The following SHQ1 variants were observed in gnomAD, a reference collection of about 807,000 sequenced individuals.
SHQ1 encodes the protein SHQ1, H/ACA ribonucleoprotein assembly factor, also known as protein SHQ1 homolog.
A neutral mutation model predicts 53.8 loss-of-function variants in SHQ1; 49 were observed. That is an observed-to-expected ratio of 0.91 (90% CI 0.72 to 1.16). The LOEUF (loss-of-function observed/expected upper bound fraction) is 1.16, where lower values mean the gene tolerates loss of function less well. SHQ1 is among the 50% of genes most tolerant of loss of function. The probability of loss-of-function intolerance (pLI) is 0.00; values close to 1 mark genes in which losing one functional copy is unlikely to be tolerated. For missense variants in SHQ1, 738 were observed against 683.1 expected, an observed-to-expected ratio of 1.08 and a Z score of -0.90; for synonymous variants, 243 against 251.0, an observed-to-expected ratio of 0.97 and a Z score of 0.30.
chr3:72,842,814 G>A (rs1232730841), intron 2 of SHQ1, among the ~76,000 whole-genome samples: 4 of 152,062 alleles, frequency 2.6e-5, no homozygotes, highest in Admixed American at 6.6e-5. Context: ...GGTGGCTCAC[G>A]CCTGTAATAC....
chr3:72,827,752 A>C (rs951536849), intron 5 of SHQ1, among the ~76,000 whole-genome samples: 7 of 120,022 alleles, frequency 5.8e-5, no homozygotes, highest in Non-Finnish European at 1.1e-4. Context: ...TTTTTTCAAG[A>C]CTTTTTTTTT....
At chr3:72,737,091 G>A in the SHQ1 span, among the ~76,000 whole-genome samples, 1 of 151,958 alleles carries the variant, frequency 6.6e-6, no homozygotes, top group Non-Finnish European at 1.5e-5. Context: ...CTAACATAAT[G>A]AAACCCCATC....
intron 10 of SHQ1, among the ~76,000 whole-genome samples, chr3:72,752,208 A>AT (rs1453448441): frequency 6.6e-6 from 1 of 152,242 alleles, no homozygotes; most frequent in Non-Finnish European, 1.5e-5. Flanking sequence ...AAGGCTCACC[A>AT]TATGTATATG....
At chr3:72,804,750 G>A (rs933707125) in intron 9 of SHQ1, among the ~76,000 whole-genome samples, 5 of 152,184 alleles carry the variant, frequency 3.3e-5, no homozygotes, top group African/African-American at 9.7e-5. Flanking sequence ...AGCACTTTGG[G>A]AGGCTGAGGC....
At chr3:72,729,126 G>A in the SHQ1 span, among the ~76,000 whole-genome samples, 1 of 152,174 alleles carries the variant, frequency 6.6e-6, no homozygotes, top group Admixed American at 6.5e-5. Context: ...ACCTCTGAGA[G>A]ATTCCAATGC....
intron 4 of SHQ1, among the ~76,000 whole-genome samples, chr3:72,834,172 TC>T (rs1465651445): frequency 6.6e-6 from 1 of 152,188 alleles, no homozygotes; most frequent in African/African-American, 2.4e-5. Flanking sequence ...TTAAGTAGTA[TC>T]AATAATATTT....
Position 72,815,360 on chromosome 3 carries a change from CAT to C in SHQ1, c.924_925del (p.Cys309LeufsTer3). On this transcript the variant is annotated frameshift_variant, in exon 8 of 11. Transcript: ENST00000325599. LOFTEE classifies it high-confidence loss of function. ...AACTGGAAATCATACCTCAAACCAGCATAGTGTTGGACTCAGTTTCCTGATAT... is the reference window on the plus strand; with the variant it reads ...AACTGGAAATCATACCTCAAACCAGCAGTGTTGGACTCAGTTTCCTGATAT... 1 of 1,613,324 alleles carries C rather than the reference CAT, an allele frequency of 6.2e-7. No individual in the cohort carries two copies. Among genetic ancestry groups the C allele is most frequent in the Non-Finnish European group, 8.5e-7 (1 of 1,179,622 alleles).
At chr3:72,818,804 C>G (rs932307877) in intron 6 of SHQ1, among the ~76,000 whole-genome samples, 12 of 152,132 alleles carry the variant, frequency 7.9e-5, no homozygotes, top group African/African-American at 2.9e-4. Flanking sequence ...GTGAGAGAGC[C>G]TGTGAGAAGG....
At chr3:72,783,925 T>C (rs1295268316) in intron 10 of SHQ1, among the ~76,000 whole-genome samples, 1 of 152,036 alleles carries the variant, frequency 6.6e-6, no homozygotes, top group Non-Finnish European at 1.5e-5. Context: ...TGTGGTCTCA[T>C]AGAAGAGAAA....
intron 6 of SHQ1, 129 bp from the exon 7 acceptor site, chr3:72,817,513 T>C (rs1353904219): frequency 4.8e-6 from 4 of 840,070 alleles, no homozygotes; most frequent in Non-Finnish European, 3.6e-6. Context: ...TAACTATGGA[T>C]ATATAAATAA....
chr3:72,758,429 C>G (rs1400043206), intron 10 of SHQ1, among the ~76,000 whole-genome samples: 1 of 152,090 alleles, frequency 6.6e-6, no homozygotes, highest in Non-Finnish European at 1.5e-5. Context: ...ATCATCTAGT[C>G]CATGGATCAG....
chr3:72,758,472 T>C (rs180772997), intron 10 of SHQ1, among the ~76,000 whole-genome samples: 191 of 152,258 alleles, frequency 1.3e-3, no homozygotes, highest in African/African-American at 4.3e-3. Context: ...CCTGTATTAG[T>C]TTCCTAAGGC....
intron 2 of SHQ1, 76 bp downstream of exon 2, chr3:72,844,283 G>A: frequency 8.1e-7 from 1 of 1,232,742 alleles, no homozygotes; most frequent in Non-Finnish European, 1.2e-6. Flanking sequence ...GGTCCCCATG[G>A]TATCTTGTAA....
At chr3:72,834,176 T>C (rs751688951) in intron 4 of SHQ1, among the ~76,000 whole-genome samples, 2 of 152,230 alleles carry the variant, frequency 1.3e-5, no homozygotes, top group Non-Finnish European at 2.9e-5. Context: ...GTAGTATCAA[T>C]AATATTTCAT....
chr3:72,823,604 T>C (rs933751728), intron 6 of SHQ1, among the ~76,000 whole-genome samples: 2 of 152,202 alleles, frequency 1.3e-5, no homozygotes, highest in Admixed American at 1.3e-4. Context: ...GGTAGATCTC[T>C]ACATACTAAT....
intron 10 of SHQ1, among the ~76,000 whole-genome samples, chr3:72,777,349 A>G (rs1170026424): frequency 6.6e-6 from 1 of 152,226 alleles, no homozygotes; most frequent in Non-Finnish European, 1.5e-5. Context: ...CCTATAAATC[A>G]AAAAGAAAGG....
the SHQ1 span, among the ~76,000 whole-genome samples, chr3:72,734,896 C>T: frequency 1.3e-5 from 2 of 151,558 alleles, no homozygotes; most frequent in Non-Finnish European, 2.9e-5. Flanking sequence ...ATCCCCTCAT[C>T]CTAGAGACAA....
At chr3:72,799,798 A>G (rs955807684) in intron 9 of SHQ1, among the ~76,000 whole-genome samples, 5 of 152,146 alleles carry the variant, frequency 3.3e-5, no homozygotes, top group East Asian at 1.9e-4. Context: ...TGTACTTTTT[A>G]TATGTCCCCT....
intron 10 of SHQ1, among the ~76,000 whole-genome samples, chr3:72,784,628 T>A (rs1706171177): frequency 6.6e-6 from 1 of 152,244 alleles, no homozygotes; most frequent in African/African-American, 2.4e-5. Context: ...AAGGTTTAAC[T>A]TGCTTGAAAT....
Sources: allele counts gnomAD v4.1 joint callset (sites outside exome capture counted in the v4.1 genomes callset), GRCh38; gene constraint gnomAD v4.1.1; transcripts MANE v1.5; gene names NCBI Gene and HGNC (gene_info 2026-07-23, HGNC 2026-07-21).